The following SPATA13 variants were observed in gnomAD, a reference collection of about 807,000 sequenced individuals.
SPATA13 encodes the protein spermatogenesis-associated protein 13.
SPATA13 carries 50 observed loss-of-function variants against 104.0 expected under a neutral mutation model. The observed-to-expected ratio is 0.48, with a 90% CI of 0.38 to 0.61. The LOEUF is 0.61. Ranked by LOEUF, SPATA13 falls within the 20% of genes least tolerant of loss-of-function variation. The probability of loss-of-function intolerance (pLI) is 0.00; values close to 1 mark genes in which losing one functional copy is unlikely to be tolerated. For synonymous variants in SPATA13, 606 were observed against 667.5 expected (o/e 0.91, Z 1.42); for missense variants, 1,524 against 1,690.6 (o/e 0.90, Z 1.73).
chr13:24,024,303 C>G (rs1445647379), intron 3 of SPATA13, among the ~76,000 whole-genome samples: 1 of 140,488 alleles, frequency 7.1e-6, no homozygotes, highest in Non-Finnish European at 1.5e-5. Flanking sequence ...TAGAGATTCC[C>G]AGACCATGGT....
chr13:24,144,210 G>A (rs1040920555), intron 3 of SPATA13, among the ~76,000 whole-genome samples: 8 of 152,144 alleles, frequency 5.3e-5, no homozygotes, highest in Non-Finnish European at 7.3e-5. Flanking sequence ...GTAGGTGGGC[G>A]AGTCAGGACT....
At chr13:24,043,728 A>G (rs1878020809) in intron 3 of SPATA13, among the ~76,000 whole-genome samples, 1 of 152,190 alleles carries the variant, frequency 6.6e-6, no homozygotes, top group East Asian at 1.9e-4. Context: ...AATATTGGGC[A>G]TGGCCTGCTG....
intron 3 of SPATA13, among the ~76,000 whole-genome samples, chr13:24,089,952 C>T (rs1285128709): frequency 2.0e-5 from 3 of 152,140 alleles, no homozygotes; most frequent in Non-Finnish European, 4.4e-5. Flanking sequence ...GGACTTGTCC[C>T]CTCAAACCCT....
At chr13:24,135,676 C>T (rs941571971) in intron 3 of SPATA13, among the ~76,000 whole-genome samples, 9 of 122,208 alleles carry the variant, frequency 7.4e-5, no homozygotes, top group Admixed American at 4.4e-4. Context: ...CCTGCCTGGG[C>T]GACAGAGCAA....
rs773066345 is a variant in SPATA13, at chr13:24,222,993, G to T, written c.64G>T (p.Gly22Cys). Residue 22 changes from glycine to cysteine, a missense_variant, in exon 2 of 13, where the codon GGC (glycine) becomes TGC (cysteine). Around this residue, in one of 2 missense-constraint regions of SPATA13, gnomAD observed 1,089 missense variants for 1,135.9 expected, o/e 0.96. Coordinates refer to ENST00000382108, the MANE Select transcript of SPATA13 (RefSeq NM_001166271.3). The part of the protein sequence containing the change: ...CLENMTTAPN[G>C]LGPGPAAPCA... The stretch of plus-strand genomic sequence containing the variant: ...GGAGAACATGACCACTGCCCCAAAC[G>T]GCCTCGGGCCAGGCCCCGCAGCCCC... The T allele has an allele frequency of 6.4e-7, 1 of 1,551,034 alleles. No individual in the cohort carries two copies. Among genetic ancestry groups the T allele is most frequent in the African/African-American group, 1.4e-5 (1 of 73,054 alleles).
chr13:24,215,043 C>T (rs934270649), intron 1 of SPATA13, among the ~76,000 whole-genome samples: 8 of 152,308 alleles, frequency 5.3e-5, no homozygotes, highest in Non-Finnish European at 1.0e-4. Flanking sequence ...TGGTTATGTT[C>T]GAGCACAGCG....
At chr13:24,261,683 G>A (rs750221155) in intron 4 of SPATA13, among the ~76,000 whole-genome samples, 1 of 152,186 alleles carries the variant, frequency 6.6e-6, no homozygotes, top group Non-Finnish European at 1.5e-5. Flanking sequence ...AGGGCTTCCA[G>A]GTGTGAGAGT....
intron 2 of SPATA13, among the ~76,000 whole-genome samples, chr13:24,012,552 G>C (rs1876518911): frequency 6.6e-6 from 1 of 152,332 alleles, no homozygotes; most frequent in South Asian, 2.1e-4. Flanking sequence ...CTTCGAGTTG[G>C]CCATGTTGAT....
intron 3 of SPATA13, among the ~76,000 whole-genome samples, chr13:24,030,821 G>A (rs1234582805): frequency 6.6e-6 from 1 of 152,162 alleles, no homozygotes; most frequent in Non-Finnish European, 1.5e-5. Flanking sequence ...CATATTGCCA[G>A]CAGTGGAAAA....
chr13:24,050,689 C>T (rs1018556837), intron 3 of SPATA13, among the ~76,000 whole-genome samples: 4 of 152,156 alleles, frequency 2.6e-5, no homozygotes, highest in African/African-American at 9.7e-5. Context: ...GATGTGGAGG[C>T]ATTTTCTAAA....
intron 4 of SPATA13, among the ~76,000 whole-genome samples, chr13:24,256,004 A>G (rs145451876): frequency 1.3e-5 from 2 of 152,368 alleles, no homozygotes; most frequent in African/African-American, 4.8e-5. Context: ...ATAGTGAAAT[A>G]CTTTCTGCAT....
chr13:24,064,127 T>A (rs7333520), intron 3 of SPATA13, among the ~76,000 whole-genome samples: 136,297 of 152,200 alleles, frequency 0.9, 61,804 homozygotes, highest in South Asian at 0.99. Context: ...CCTGTTCTCC[T>A]GCCTCATCAG....
At chr13:24,257,611 CTTTTT>C (rs201620960) in intron 4 of SPATA13, among the ~76,000 whole-genome samples, 2 of 143,482 alleles carry the variant, frequency 1.4e-5, no homozygotes, top group African/African-American at 5.1e-5. Context: ...TAAATTTTTA[CTTTTT>C]TTTTTTTTGG....
At chr13:24,124,004 C>G (rs945174666) in intron 3 of SPATA13, among the ~76,000 whole-genome samples, 3 of 152,142 alleles carry the variant, frequency 2.0e-5, no homozygotes, top group Admixed American at 1.3e-4. Context: ...ATGCTGGTGC[C>G]GTCCAGCTTG....
At chr13:24,282,332 G>C (rs936189016) in intron 4 of SPATA13, among the ~76,000 whole-genome samples, 1 of 152,214 alleles carries the variant, frequency 6.6e-6, no homozygotes, top group Non-Finnish European at 1.5e-5. Context: ...TCCTTTTCTA[G>C]TCAAGTAACT....
intron 3 of SPATA13, among the ~76,000 whole-genome samples, chr13:24,142,506 T>C (rs9551070): frequency 0.13 from 20,033 of 152,130 alleles, 2,125 homozygotes; most frequent in East Asian, 0.54. Flanking sequence ...AGATTGAGGT[T>C]ATGCATTTGG....
intron 2 of SPATA13, among the ~76,000 whole-genome samples, chr13:23,996,401 C>G (rs1457337840): frequency 1.5e-5 from 1 of 65,270 alleles, no homozygotes; most frequent in East Asian, 2.9e-4. Context: ...CAGCAGAGTT[C>G]AATTGGGCAA....
chr13:24,104,376 T>G (rs1880367233), intron 3 of SPATA13, among the ~76,000 whole-genome samples: 1 of 152,054 alleles, frequency 6.6e-6, no homozygotes, highest in African/African-American at 2.4e-5. Flanking sequence ...GCCCACTCAA[T>G]TTTTAGAGAG....
In SPATA13 at chr13:24,164,905, C is replaced by G. The variant is rs1256202355; in HGVS notation, c.-112+3973C>G. ...GGGCTCAGAGGAGTTCCCAGTCCAGCCGTCGCGCTAACTTCGGGGTTGTGG... is the reference window on the plus strand; with the variant it reads ...GGGCTCAGAGGAGTTCCCAGTCCAGGCGTCGCGCTAACTTCGGGGTTGTGG... On this transcript the variant is annotated intron_variant, in intron 1 of 12. Transcript: ENST00000382108. Among the ~76,000 whole-genome samples the G allele has an allele frequency of 2.0e-5, 3 of 152,216 alleles. No individual in the cohort carries two copies. In the East Asian group the frequency reaches 5.8e-4, roughly 29 times the overall value.
Sources: gnomAD v4.1 joint callset for allele counts (sites outside exome capture counted in the v4.1 genomes callset) on GRCh38, gnomAD v4.1.1 for gene constraint, gnomAD v4.1.1 regional missense constraint, MANE v1.5 for transcripts, NCBI Gene and HGNC (gene_info 2026-07-23, HGNC 2026-07-21) for gene names.